The following AP3D1 variants were observed in gnomAD, a reference collection of about 807,000 sequenced individuals.
The protein encoded by AP3D1 is adaptor related protein complex 3 subunit delta 1, also known as AP-3 complex subunit delta-1.
A neutral mutation model predicts 147.6 loss-of-function variants in AP3D1; 51 were observed. The observed-to-expected ratio is 0.35, with a 90% CI of 0.28 to 0.44. The LOEUF is 0.44. Ranked by LOEUF, AP3D1 falls within the 20% of genes least tolerant of loss-of-function variation. The pLI, the probability that AP3D1 is intolerant of heterozygous loss-of-function variation, is 1.00. For synonymous variants in AP3D1, 760 were observed against 663.0 expected, an observed-to-expected ratio of 1.15 and a Z score of -2.25; for missense variants, 1,421 against 1,624.2, an observed-to-expected ratio of 0.87 and a Z score of 2.15.
At chr19:2,143,498 T>C (rs1417752591) in intron 1 of AP3D1, among the ~76,000 whole-genome samples, 19 of 151,258 alleles carry the variant, frequency 1.3e-4, no homozygotes, top group African/African-American at 3.9e-4. Context: ...CCTTGGCCTC[T>C]CAAAGTGCTG....
intron 9 of AP3D1, among the ~76,000 whole-genome samples, chr19:2,125,301 T>C (rs142108061): frequency 2.2e-3 from 329 of 152,224 alleles, no homozygotes; most frequent in Admixed American, 3.9e-3. Flanking sequence ...TGTAGGAGTG[T>C]TGTTTTTTTG....
chr19:2,115,607 G>C lies in AP3D1; in HGVS notation c.2080C>G (p.Gln694Glu), dbSNP rs774179746. ...KSSPSPQKRYQDTPGVEHIPV... is the reference protein window; with the variant it reads ...KSSPSPQKRYEDTPGVEHIPV... Reference sequence around the variant, plus strand: ...ATGTGCTCCACGCCCGGGGTGTCCTGGTACCGCTGCAAAGGCAACACCCAG... The same window carrying C: ...ATGTGCTCCACGCCCGGGGTGTCCTCGTACCGCTGCAAAGGCAACACCCAG... The change falls in exon 19 of 32, where the codon CAG becomes GAG. Residue 694 changes from glutamine (Q) to glutamate (E), a missense_variant. By Grantham distance (29) the Gln-to-Glu change is conservative. This residue lies in a region of AP3D1 where 791 missense variants were observed against 761.4 expected (regional missense o/e 1.04). Transcript: ENST00000643116. The C allele has an allele frequency of 6.2e-6, 10 of 1,612,334 alleles. No homozygotes were observed. Among genetic ancestry groups the C allele is most frequent in the Non-Finnish European group, 7.6e-6 (9 of 1,179,310 alleles).
chr19:2,123,788 G>A, intron 10 of AP3D1, 42 bp downstream of exon 10: 1 of 1,550,246 alleles, frequency 6.5e-7, no homozygotes, highest in South Asian at 1.2e-5. Context: ...TGTGGCCTCT[G>A]CAGTGTGGGA....
At position 2,151,460 on chromosome 19, in the gene AP3D1, G is replaced by A. The variant is rs1470684588; in HGVS notation, c.-126C>T. ...CCGCTGCGGCGGGGCAAGCTCCCAG[G>A]CCAGGGCGGCGGCGGGGTCCAAGGA... On this transcript the variant is annotated 5_prime_UTR_variant, in exon 1 of 32. Transcript: ENST00000643116. The A allele has an allele frequency of 1.3e-5, 6 of 471,790 alleles. No homozygotes were observed. Among genetic ancestry groups the A allele is most frequent in the South Asian group, 8.6e-5 (1 of 11,682 alleles). The allele number at this position is 471,790 out of a possible 1,614,324, so 29.2% of individuals were successfully genotyped here. A position where few individuals can be genotyped will look rare whatever the true frequency, so the allele number is the denominator to read the frequency against.
intron 6 of AP3D1, among the ~76,000 whole-genome samples, chr19:2,129,694 G>A (rs2018881678): frequency 6.6e-6 from 1 of 152,228 alleles, no homozygotes; most frequent in Non-Finnish European, 1.5e-5. Context: ...ACTGTTGCCA[G>A]GAACAAGTGC....
Position 2,114,777 on chromosome 19 carries a change from G to T in AP3D1, c.2394C>A (p.Pro798=), listed in dbSNP as rs372268842. The T allele has an allele frequency of 8.7e-6, 14 of 1,613,914 alleles. No homozygotes were observed. Among genetic ancestry groups the T allele is most frequent in the African/African-American group, 1.3e-5 (1 of 74,930 alleles). Reference sequence around the variant, plus strand: ...CCAGGTCAATATCCAGAGCCCTGTAGGGGTCGTTGGGGTCTTTGTCATCCT... The same window carrying T: ...CCAGGTCAATATCCAGAGCCCTGTATGGGTCGTTGGGGTCTTTGTCATCCT... ...SDEDDKDPND[P]YRALDIDLDK... The change falls in exon 21 of 32, where the codon CCC becomes CCA. Residue 798 remains proline, a synonymous_variant. Coordinates refer to ENST00000643116, the MANE Select transcript of AP3D1 (RefSeq NM_001261826.3).
At chr19:2,121,383 C>G (rs1035193928) in intron 12 of AP3D1, 72 bp from the exon 13 acceptor site, 9 of 1,548,528 alleles carry the variant, frequency 5.8e-6, no homozygotes, top group South Asian at 4.6e-5. Flanking sequence ...CACCCAACAC[C>G]TGCTCCTGAG....
At chr19:2,142,928 C>A (rs1418336048) in intron 1 of AP3D1, among the ~76,000 whole-genome samples, 1 of 151,950 alleles carries the variant, frequency 6.6e-6, no homozygotes, top group Non-Finnish European at 1.5e-5. Context: ...CCACGCCAAG[C>A]TAATTTTATA....
chr19:2,134,364 T>C (rs1450443313), intron 4 of AP3D1, among the ~76,000 whole-genome samples: 1 of 151,406 alleles, frequency 6.6e-6, no homozygotes, highest in East Asian at 2.0e-4. Context: ...GAGGCTGCAG[T>C]GAGCTGCAAT....
chr19:2,119,569 G>A (rs951601305), intron 14 of AP3D1, among the ~76,000 whole-genome samples: 3 of 151,966 alleles, frequency 2.0e-5, no homozygotes, highest in African/African-American at 7.2e-5. Flanking sequence ...GGTGGCGGGC[G>A]CCTGTAGTCC....
upstream of AP3D1, among the ~76,000 whole-genome samples, chr19:2,155,041 G>C (rs137872210): frequency 6.6e-6 from 1 of 152,030 alleles, no homozygotes; most frequent in Admixed American, 6.6e-5. Flanking sequence ...TTAGCCGGGC[G>C]TGGTGGCGAG....
intron 9 of AP3D1, 146 bp from the exon 10 acceptor site, chr19:2,124,025 C>T: frequency 1.1e-6 from 1 of 950,944 alleles, no homozygotes; most frequent in Non-Finnish European, 1.6e-6. Context: ...GACCACGCAG[C>T]CCAACTGTGT....
chr19:2,153,368 G>A (rs1447724809), upstream of AP3D1, among the ~76,000 whole-genome samples: 3 of 135,516 alleles, frequency 2.2e-5, no homozygotes, highest in African/African-American at 8.3e-5. Flanking sequence ...AGCGAAACAT[G>A]GTCTCAAAAA....
chr19:2,102,159 C>T lies in AP3D1; in HGVS notation c.*14G>A, dbSNP rs1488533062. The stretch of plus-strand genomic sequence containing the variant: ...ACGTGCTCCGCGGGGTGGTGCGGGG[C>T]TCGCAGGCAGCTCTCAACACTTGGC... On this transcript the variant is annotated 3_prime_UTR_variant, in exon 32 of 32. Transcript: ENST00000643116. 6.2e-7 allele frequency: 1 copy of T among 1,608,178 alleles called. No individual in the cohort carries two copies. The highest frequency in any genetic ancestry group is 1.1e-5 in the South Asian group (1 of 90,954).
intron 1 of AP3D1, among the ~76,000 whole-genome samples, chr19:2,156,742 G>C (rs933455365): frequency 6.6e-6 from 1 of 151,996 alleles, no homozygotes; most frequent in South Asian, 2.1e-4. Flanking sequence ...CCAGTTACTC[G>C]GGAGGCTGAG....
chr19:2,126,009 G>T (rs934874259), intron 9 of AP3D1, among the ~76,000 whole-genome samples: 1 of 152,150 alleles, frequency 6.6e-6, no homozygotes, highest in African/African-American at 2.4e-5. Flanking sequence ...TTACCTGGGT[G>T]GGGTGGCATG....
At chr19:2,148,040 G>A (rs1436717360) in intron 1 of AP3D1, among the ~76,000 whole-genome samples, 1 of 151,288 alleles carries the variant, frequency 6.6e-6, no homozygotes, top group Admixed American at 6.6e-5. Context: ...GCGTGGTGGC[G>A]GGAGGCTGAG....
rs2018441572 is a variant in AP3D1, at chr19:2,116,155, G to C, written c.2073+52C>G. 5 of 1,573,492 alleles carry C rather than the reference G, an allele frequency of 3.2e-6. No homozygotes were observed. In the Admixed American group the frequency reaches 5.0e-5, roughly 16 times the overall value. Reference sequence around the variant, plus strand: ...ACTCAGATGGATGCCGCGGGGCTCGGGTGGTGAGGGTAGAGGGTGCTGAGG... The same window carrying C: ...ACTCAGATGGATGCCGCGGGGCTCGCGTGGTGAGGGTAGAGGGTGCTGAGG... On this transcript the variant is annotated intron_variant, in intron 18 of 31. Coordinates refer to ENST00000643116, the MANE Select transcript of AP3D1 (RefSeq NM_001261826.3).
chr19:2,137,711 C>T lies in AP3D1; in HGVS notation c.273+16G>A, dbSNP rs79434492. 4.3e-4 allele frequency: 694 copies of T among 1,612,508 alleles called. 6 individuals are homozygous for T. The African/African-American group carries it at 7.4e-3, about 17-fold the overall frequency. On this transcript the variant is annotated intron_variant, in intron 3 of 31. Transcript: ENST00000643116. ...TCACTCCCCACCCCACCAGCCTTGC[C>T]GTCCCAGAACCTCACCTTGAAGGTG...
Sources: allele counts gnomAD v4.1 joint callset (sites outside exome capture counted in the v4.1 genomes callset), GRCh38; gene constraint gnomAD v4.1.1; regional missense constraint gnomAD v4.1.1; transcripts MANE v1.5; gene names NCBI Gene and HGNC (gene_info 2026-07-23, HGNC 2026-07-21).